ZNRF3: variants seen among roughly 807,000 people sequenced by gnomAD.
ZNRF3 encodes the protein zinc and ring finger 3, also known as E3 ubiquitin-protein ligase ZNRF3.
ZNRF3 carries 23 observed loss-of-function variants against 72.5 expected under a neutral mutation model. The observed-to-expected ratio is 0.32, with a 90% CI of 0.23 to 0.45. The LOEUF (loss-of-function observed/expected upper bound fraction) is 0.45, where lower values mean the gene tolerates loss of function less well. Ranked by LOEUF, ZNRF3 falls within the 20% of genes least tolerant of loss-of-function variation. The pLI is 1.00. For missense variants in ZNRF3, 1,169 were observed against 1,272.1 expected (o/e 0.92, Z 1.23); for synonymous variants, 610 against 545.3 (o/e 1.12, Z -1.65).
At chr22:28,910,413 G>T (rs1569242583) in intron 1 of ZNRF3, among the ~76,000 whole-genome samples, 1 of 152,310 alleles carries the variant, frequency 6.6e-6, no homozygotes, top group Admixed American at 6.5e-5. Flanking sequence ...CTTTCCTAGA[G>T]GACGTAAGCA....
In ZNRF3 at chr22:29,049,854, G is replaced by T; in HGVS notation, c.1673G>T (p.Gly558Val). 6.2e-7 allele frequency: 1 copy of T among 1,607,460 alleles called. No homozygotes were observed. The highest frequency in any genetic ancestry group is 8.5e-7 in the Non-Finnish European group (1 of 1,176,548). Residue 558 changes from glycine (G) to valine (V), a missense_variant, in exon 8 of 9, where the codon GGC becomes GTC. Coordinates refer to ENST00000544604, the MANE Select transcript of ZNRF3 (RefSeq NM_001206998.2). This position sits in a 1 kb window ranked among gnomAD's most constrained non-coding sequence, Gnocchi z 5.2. ...GSDSSSSSSS[G>V]QCHCSSSDSV... ...GACAGCAGCAGCAGCAGCAGCTCCG[G>T]CCAGTGCCACTGTTCCTCCAGTGAC...
intron 3 of ZNRF3, 81 bp from the exon 4 acceptor site, chr22:29,043,218 C>G: frequency 6.8e-7 from 1 of 1,478,918 alleles, no homozygotes; most frequent in Non-Finnish European, 9.1e-7. Context: ...ATTCAGTGTT[C>G]CTTCCCTCCA....
At chr22:29,043,214 T>C (rs1272462771) in intron 3 of ZNRF3, 85 bp from the exon 4 acceptor site, 10 of 1,459,890 alleles carry the variant, frequency 6.8e-6, no homozygotes, top group Admixed American at 2.3e-5. Context: ...AGGTATTCAG[T>C]GTTCCTTCCC....
intron 1 of ZNRF3, among the ~76,000 whole-genome samples, chr22:28,956,255 T>TA (rs1192542143): frequency 6.6e-6 from 1 of 151,690 alleles, no homozygotes; most frequent in East Asian, 1.9e-4. Context: ...GTAGTATGGA[T>TA]AAGGTAGAGA....
At chr22:28,952,341 A>T (rs190702681) in intron 1 of ZNRF3, among the ~76,000 whole-genome samples, 1 of 152,338 alleles carries the variant, frequency 6.6e-6, no homozygotes, top group African/African-American at 2.4e-5. Context: ...CGGGTGCTCC[A>T]CTGCAGCAGC....
chr22:28,889,054 G>T (rs2033840784), intron 1 of ZNRF3, among the ~76,000 whole-genome samples: 1 of 152,034 alleles, frequency 6.6e-6, no homozygotes, highest in Non-Finnish European at 1.5e-5. Context: ...GGCGGAGGTT[G>T]CAGTGAGCTG....
intron 2 of ZNRF3, 44 bp from the exon 3 acceptor site, chr22:29,042,451 A>T: frequency 1.3e-6 from 2 of 1,586,800 alleles, no homozygotes; most frequent in Non-Finnish European, 1.7e-6. Flanking sequence ...TTGAAAAGGT[A>T]AGAGGACCAG....
chr22:28,956,499 A>G (rs1008565136), intron 1 of ZNRF3, among the ~76,000 whole-genome samples: 1 of 151,778 alleles, frequency 6.6e-6, no homozygotes, highest in Non-Finnish European at 1.5e-5. Flanking sequence ...AGCATGGAGA[A>G]TTTGGAGAAG....
At chr22:28,975,667 G>C (rs1380668280) in intron 1 of ZNRF3, among the ~76,000 whole-genome samples, 1 of 152,084 alleles carries the variant, frequency 6.6e-6, no homozygotes, top group African/African-American at 2.4e-5. Flanking sequence ...AACCTGGGAG[G>C]CAGAGATTGC....
chr22:29,050,589 C>T lies in ZNRF3; in HGVS notation c.2408C>T (p.Ser803Leu), dbSNP rs2123889068. 1 of 1,608,046 alleles carries T rather than the reference C, an allele frequency of 6.2e-7. No homozygotes were observed. Among genetic ancestry groups the T allele is most frequent in the Non-Finnish European group, 8.5e-7 (1 of 1,177,602 alleles). ...AGCGGCTGCTACACTGAGGACTACT[C>T]GGTGAGTGTGCAGTACACGCTCACC... ...GGSGCYTEDY[S>L]VSVQYTLTEE... The change falls in exon 8 of 9, where the codon TCG (serine) becomes TTG (leucine). Residue 803 changes from serine to leucine, a missense_variant. This residue lies in a region of ZNRF3 where 783 missense variants were observed against 731.4 expected (regional missense o/e 1.07). Coordinates refer to ENST00000544604, the MANE Select transcript of ZNRF3 (RefSeq NM_001206998.2).
intron 2 of ZNRF3, among the ~76,000 whole-genome samples, chr22:29,031,784 T>A (rs1411464491): frequency 6.6e-6 from 1 of 152,158 alleles, no homozygotes; most frequent in African/African-American, 2.4e-5. Context: ...GTGCTCTCCA[T>A]CGTGTTAACC....
intron 2 of ZNRF3, among the ~76,000 whole-genome samples, chr22:29,018,776 G>A (rs1015798480): frequency 1.3e-5 from 2 of 152,168 alleles, no homozygotes; most frequent in South Asian, 2.1e-4. Flanking sequence ...ATGACAACAC[G>A]GGTGAGGTAG....
chr22:29,020,779 GTGTGTGTGTGT>G (rs1569284245), intron 2 of ZNRF3, among the ~76,000 whole-genome samples: 4 of 127,842 alleles, frequency 3.1e-5, no homozygotes, highest in Admixed American at 7.9e-5. Context: ...GTGTGTGGGT[GTGTGTGTGTGT>G]GTGTGTGTGT....
At chr22:29,009,968 T>G (rs4580479) in intron 2 of ZNRF3, among the ~76,000 whole-genome samples, 83,568 of 147,846 alleles carry the variant, frequency 0.57, 23,960 homozygotes, top group African/African-American at 0.65. Context: ...GTCCAGTGGC[T>G]CAATCTCGGC....
At chr22:28,951,808 C>T (rs1459973813) in intron 1 of ZNRF3, among the ~76,000 whole-genome samples, 1 of 152,178 alleles carries the variant, frequency 6.6e-6, no homozygotes, top group Non-Finnish European at 1.5e-5. Flanking sequence ...TCTGTGACTG[C>T]TCACGCTAAT....
chr22:28,997,405 G>T (rs368776049), intron 2 of ZNRF3, among the ~76,000 whole-genome samples: 15 of 151,916 alleles, frequency 9.9e-5, no homozygotes, highest in African/African-American at 2.4e-4. Flanking sequence ...TGTCAGGGTT[G>T]GGGGGTGGGA....
intron 2 of ZNRF3, chr22:29,026,391 C>T (rs535990832): frequency 2.0e-5 from 3 of 152,292 alleles, no homozygotes; most frequent in Non-Finnish European, 2.9e-5. Context: ...GGGCAGTTGA[C>T]ATACAAGTTC....
chr22:29,048,275 A>C lies in ZNRF3; in HGVS notation c.913-114A>C. 1 of 731,576 alleles carries C rather than the reference A, an allele frequency of 1.4e-6. No homozygotes were observed. The highest frequency in any genetic ancestry group is 1.9e-5 in the South Asian group (1 of 52,348). The allele number at this position is 731,576 out of a possible 1,614,324, so 45.3% of individuals were successfully genotyped here. On this transcript the variant is annotated intron_variant, in intron 6 of 8. Transcript: ENST00000544604. This position sits in a 1 kb window ranked among gnomAD's most constrained non-coding sequence, Gnocchi z 4.9. ...AGCCCTAATTGGAGGTGGGGAGGAG[A>C]GTAGGGAAGGGCACGGGCATGCTGT... is the stretch of plus-strand genomic sequence containing the variant.
At chr22:28,944,495 C>T (rs905216067) in intron 1 of ZNRF3, among the ~76,000 whole-genome samples, 1 of 152,130 alleles carries the variant, frequency 6.6e-6, no homozygotes, top group African/African-American at 2.4e-5. Context: ...TGGCTCACGC[C>T]TGTAATCCCA....
Sources: gnomAD v4.1 joint callset for allele counts (sites outside exome capture counted in the v4.1 genomes callset) on GRCh38, gnomAD v4.1.1 for gene constraint, gnomAD v4.1.1 regional missense constraint, Gnocchi (gnomAD v3.1) non-coding constraint, MANE v1.5 for transcripts, NCBI Gene and HGNC (gene_info 2026-07-23, HGNC 2026-07-21) for gene names.